RBFOX1: variants seen among roughly 807,000 people sequenced by gnomAD.
RBFOX1 encodes RNA binding fox-1 homolog 1, also known as RNA binding protein fox-1 homolog 1.
Under a neutral mutation model 57.7 loss-of-function variants are expected in RBFOX1, and 8 were observed. The observed-to-expected ratio is 0.14, with a 90% confidence interval of 0.08 to 0.25. RBFOX1 has a LOEUF of 0.25. RBFOX1 is among the 10% of genes least tolerant of loss of function. RBFOX1 has a pLI of 1.00. For synonymous variants in RBFOX1, 326 were observed against 222.4 expected (o/e 1.47, Z -4.15); for missense variants, 611 against 548.5 (o/e 1.11, Z -1.14).
At chr16:6,823,098 C>T (rs1273143627) in intron 3 of RBFOX1, among the ~76,000 whole-genome samples, 2 of 152,056 alleles carry the variant, frequency 1.3e-5, no homozygotes, top group African/African-American at 2.4e-5. Context: ...GGAGACTGAG[C>T]ATCAGAGGGT....
intron 3 of RBFOX1, among the ~76,000 whole-genome samples, chr16:6,931,343 A>AT (rs2076520018): frequency 8.7e-6 from 1 of 114,382 alleles, no homozygotes; most frequent in African/African-American, 2.8e-5. Context: ...CTATCTCTAC[A>AT]CACACACACA....
At chr16:5,907,424 C>T (rs749621304) in intron 4 of RBFOX1, among the ~76,000 whole-genome samples, 2 of 152,000 alleles carry the variant, frequency 1.3e-5, no homozygotes, top group Admixed American at 6.6e-5. Context: ...TTTCAGAGCA[C>T]GTTGCACCTT....
At chr16:5,308,328 A>G (rs1329236693) in intron 1 of RBFOX1, among the ~76,000 whole-genome samples, 2 of 74,466 alleles carry the variant, frequency 2.7e-5, no homozygotes, top group South Asian at 6.3e-4. Context: ...CTCTGTCTAA[A>G]AAAAAAAAAA....
intron 3 of RBFOX1, among the ~76,000 whole-genome samples, chr16:7,003,364 G>A (rs1382099837): frequency 6.6e-6 from 1 of 151,874 alleles, no homozygotes; most frequent in African/African-American, 2.4e-5. Flanking sequence ...GGAGGCTGAG[G>A]CAAGAGAATC....
intron 3 of RBFOX1, among the ~76,000 whole-genome samples, chr16:6,998,736 T>C (rs757244331): frequency 1.3e-5 from 2 of 152,270 alleles, no homozygotes; most frequent in East Asian, 3.9e-4. Context: ...GAAAACTTAA[T>C]ATATCAGGCT....
intron 2 of RBFOX1, among the ~76,000 whole-genome samples, chr16:5,574,280 C>G (rs968782388): frequency 3.2e-4 from 48 of 152,324 alleles, no homozygotes; most frequent in African/African-American, 1.1e-3. Context: ...CAGCACTTGC[C>G]TGGAAAATGA....
intron 2 of RBFOX1, among the ~76,000 whole-genome samples, chr16:6,634,209 G>A (rs142599321): frequency 1.1e-3 from 162 of 152,220 alleles, no homozygotes; most frequent in African/African-American, 3.7e-3. Flanking sequence ...CTTCTGTTGT[G>A]TGCTCATTCA....
chr16:5,335,417 C>T (rs1037354255), intron 1 of RBFOX1, among the ~76,000 whole-genome samples: 1 of 152,178 alleles, frequency 6.6e-6, no homozygotes, highest in African/African-American at 2.4e-5. Flanking sequence ...TTTTTCCCGT[C>T]ATCAGCGGGA....
chr16:5,421,376 C>G (rs975740979), intron 1 of RBFOX1, among the ~76,000 whole-genome samples: 1 of 152,198 alleles, frequency 6.6e-6, no homozygotes, highest in Non-Finnish European at 1.5e-5. Flanking sequence ...TGGCTTCTTT[C>G]TCCTCTACTT....
chr16:7,620,523 C>G (rs1315579128), intron 10 of RBFOX1, among the ~76,000 whole-genome samples: 1 of 152,202 alleles, frequency 6.6e-6, no homozygotes, highest in East Asian at 1.9e-4. Context: ...AAGATACATT[C>G]TGCCCAAAGG....
intron 3 of RBFOX1, among the ~76,000 whole-genome samples, chr16:7,036,351 G>C (rs1247963313): frequency 6.6e-6 from 1 of 151,996 alleles, no homozygotes; most frequent in Non-Finnish European, 1.5e-5. Flanking sequence ...GTTTTCTACC[G>C]CTGTGTTATA....
chr16:7,515,178 A>G (rs893938579), intron 4 of RBFOX1, among the ~76,000 whole-genome samples: 3 of 152,124 alleles, frequency 2.0e-5, no homozygotes, highest in Non-Finnish European at 4.4e-5. Context: ...TGGCATCGCT[A>G]TGAAATTTCT....
At chr16:7,459,979 G>A (rs2059238847) in intron 4 of RBFOX1, among the ~76,000 whole-genome samples, 1 of 152,040 alleles carries the variant, frequency 6.6e-6, no homozygotes, top group East Asian at 1.9e-4. Flanking sequence ...ATTGAAAATG[G>A]AAATAAAATT....
At chr16:7,187,769 G>T (rs943231269) in intron 4 of RBFOX1, among the ~76,000 whole-genome samples, 2 of 143,154 alleles carry the variant, frequency 1.4e-5, no homozygotes, top group African/African-American at 5.3e-5. Context: ...AACAAAAATC[G>T]CTCTCTGTAA....
At chr16:7,665,556 C>G (rs2068993263) in intron 13 of RBFOX1, among the ~76,000 whole-genome samples, 2 of 152,110 alleles carry the variant, frequency 1.3e-5, no homozygotes, top group Non-Finnish European at 2.9e-5. Flanking sequence ...CTTAAAATTG[C>G]TTGCTAAATA....
intron 4 of RBFOX1, among the ~76,000 whole-genome samples, chr16:5,900,808 C>T (rs528295879): frequency 6.6e-6 from 1 of 152,186 alleles, no homozygotes; most frequent in Non-Finnish European, 1.5e-5. Flanking sequence ...AATTCACAAC[C>T]ACCGTCAAGA....
At chr16:5,495,948 A>G (rs1597298380) in intron 2 of RBFOX1, among the ~76,000 whole-genome samples, 1 of 152,212 alleles carries the variant, frequency 6.6e-6, no homozygotes. Context: ...CAACATGGTG[A>G]AACCCTGTCT....
intron 3 of RBFOX1, among the ~76,000 whole-genome samples, chr16:6,684,484 T>G (rs193135885): frequency 8.5e-5 from 13 of 152,320 alleles, no homozygotes; most frequent in Admixed American, 1.3e-4. Flanking sequence ...AACTTAAGTC[T>G]TGCAAACATC....
rs1028388928 is a variant in RBFOX1, at chr16:6,972,512, A to C, written c.-15-79545A>C. 3.3e-5 allele frequency among the ~76,000 whole-genome samples: 5 copies of C among 152,094 alleles called. No individual in the cohort carries two copies. The East Asian group carries it at 9.7e-4, about 29-fold the overall frequency. On this transcript the variant is annotated intron_variant, in intron 3 of 15. Transcript: ENST00000550418. The stretch of plus-strand genomic sequence containing the variant: ...GTCAGTGGACATTTGGGTTGCCGCC[A>C]CTTGTTGGTGTCTGAATAGTGCTGC...
Sources: gnomAD v4.1 joint callset for allele counts (sites outside exome capture counted in the v4.1 genomes callset) on GRCh38, gnomAD v4.1.1 for gene constraint, MANE v1.5 for transcripts, NCBI Gene and HGNC (gene_info 2026-07-23, HGNC 2026-07-21) for gene names.